Variants in PPARGC1B observed in about 807,000 individuals in gnomAD.
PPARGC1B encodes the protein PPARG coactivator 1 beta, also known as peroxisome proliferator-activated receptor gamma coactivator 1-beta.
A neutral mutation model predicts 101.6 loss-of-function variants in PPARGC1B; 34 were observed. That is an observed-to-expected ratio of 0.33 (90% CI 0.25 to 0.45). The LOEUF (loss-of-function observed/expected upper bound fraction) is 0.45. PPARGC1B is among the 20% of genes least tolerant of loss of function. PPARGC1B has a pLI of 1.00. For missense variants in PPARGC1B, 1,234 were observed against 1,317.6 expected, an observed-to-expected ratio of 0.94 and a Z score of 0.98; for synonymous variants, 548 against 539.3, an observed-to-expected ratio of 1.02 and a Z score of -0.22.
At chr5:149,736,656 A>C (rs1754722414) in intron 1 of PPARGC1B, among the ~76,000 whole-genome samples, 1 of 152,084 alleles carries the variant, frequency 6.6e-6, no homozygotes, top group Non-Finnish European at 1.5e-5. Flanking sequence ...GTCTTCTTCC[A>C]TTTGCCCTTA....
At chr5:149,846,297 T>A (rs945719746) in intron 11 of PPARGC1B, 1 of 431,092 alleles carries the variant, frequency 2.3e-6, no homozygotes, top group Non-Finnish European at 4.1e-6. Context: ...AGCAGCCACC[T>A]GGGGACAAGA....
In PPARGC1B at chr5:149,799,693, G is replaced by GTTTTTTTTTTTTTTTTTT. The variant is rs11371560; in HGVS notation, c.79-20736_79-20719dup. Reference sequence around the variant, plus strand: ...TTTGTTTGTTTGTTTGCTTGTTGTTGTTTTTTTTTTTTTTTTTTTTTGAGA... The same window carrying GTTTTTTTTTTTTTTTTTT: ...TTTGTTTGTTTGTTTGCTTGTTGTTGTTTTTTTTTTTTTTTTTTTTTTTTTTTTTTTTTTTTTTTGAGA... On this transcript the variant is annotated intron_variant, in intron 1 of 11. Transcript: ENST00000309241. Among the ~76,000 whole-genome samples the GTTTTTTTTTTTTTTTTTT allele has an allele frequency of 3.9e-4, 30 of 76,462 alleles. 4 individuals carry two copies. Among genetic ancestry groups the GTTTTTTTTTTTTTTTTTT allele is most frequent in the South Asian group, 1.1e-3 (2 of 1,760 alleles). 50.2% of individuals were successfully genotyped at this position (76,462 alleles called of 152,430 possible). A position where few individuals can be genotyped will look rare whatever the true frequency, so the allele number is the denominator to read the frequency against.
At chr5:149,757,082 G>A (rs961733402) in intron 1 of PPARGC1B, among the ~76,000 whole-genome samples, 2 of 152,120 alleles carry the variant, frequency 1.3e-5, no homozygotes, top group African/African-American at 2.4e-5. Context: ...TAAGCCCTTC[G>A]AAGACAATAA....
At chr5:149,793,968 C>A (rs562759830) in intron 1 of PPARGC1B, among the ~76,000 whole-genome samples, 1 of 152,220 alleles carries the variant, frequency 6.6e-6, no homozygotes, top group African/African-American at 2.4e-5. Flanking sequence ...AATCAGCTGC[C>A]GGTTTTTGTA....
chr5:149,816,125 A>G (rs536709600), intron 1 of PPARGC1B, among the ~76,000 whole-genome samples: 4 of 152,364 alleles, frequency 2.6e-5, no homozygotes, highest in African/African-American at 9.6e-5. Flanking sequence ...AAGCCTCTCT[A>G]AATATGGAGA....
Position 149,810,748 on chromosome 5 carries a change from G to A in PPARGC1B, c.79-9685G>A, listed in dbSNP as rs144523500. ...CTGGACAGGTCACACGGGAGATCCC[G>A]GTTTGTGTTCCGGCCCTGGGAGGAG... On this transcript the variant is annotated intron_variant, in intron 1 of 11. Transcript: ENST00000309241. 8.2e-3 allele frequency among the ~76,000 whole-genome samples: 1,245 copies of A among 152,304 alleles called. 10 individuals carry two copies. Among genetic ancestry groups the A allele is most frequent in the Middle Eastern group, 0.017 (5 of 294 alleles).
At chr5:149,776,846 C>T (rs1729405153) in intron 1 of PPARGC1B, among the ~76,000 whole-genome samples, 1 of 152,254 alleles carries the variant, frequency 6.6e-6, no homozygotes, top group South Asian at 2.1e-4. Context: ...GCCCCGTAAC[C>T]TTTTCCTGTT....
intron 1 of PPARGC1B, among the ~76,000 whole-genome samples, chr5:149,802,504 G>A (rs185135727): frequency 1.3e-5 from 2 of 151,904 alleles, no homozygotes; most frequent in African/African-American, 2.4e-5. Flanking sequence ...CCTCCCAGAT[G>A]TGCAGGCAGG....
chr5:149,828,924 G>T (rs1005172484), intron 3 of PPARGC1B, among the ~76,000 whole-genome samples: 5 of 151,700 alleles, frequency 3.3e-5, no homozygotes, highest in Non-Finnish European at 5.9e-5. Flanking sequence ...GGTGGCACGT[G>T]CCTGTAGTCC....
rs58159275 is a variant in PPARGC1B at position 149,777,922 on chromosome 5, TCACA to T, written c.79-42472_79-42469del. The stretch of plus-strand genomic sequence containing the variant: ...CCCGGCTGCTCATATCCATGTAGCA[TCACA>T]CACACACACACACACACACACACAC... On this transcript the variant is annotated intron_variant, in intron 1 of 11. Transcript: ENST00000309241. Among the ~76,000 whole-genome samples the T allele has an allele frequency of 4.6e-3, 53 of 11,602 alleles. 5 individuals are homozygous for T. Among genetic ancestry groups the T allele is most frequent in the African/African-American group, 0.016 (29 of 1,864 alleles). The allele number at this position is 11,602 out of a possible 152,430, so 7.6% of individuals were successfully genotyped here. A position where few individuals can be genotyped will look rare whatever the true frequency, so the allele number is the denominator to read the frequency against.
chr5:149,772,270 G>T, intron 1 of PPARGC1B: 2 of 1,530,676 alleles, frequency 1.3e-6, no homozygotes, highest in South Asian at 1.2e-5. Flanking sequence ...ATGTGGCGAT[G>T]GTGGGTTAGG....
Position 149,847,887 on chromosome 5 carries a change from C to T in PPARGC1B, c.*329C>T, listed in dbSNP as rs1025963894. 12 of 348,906 alleles carry T rather than the reference C, an allele frequency of 3.4e-5. No homozygotes were observed. Among genetic ancestry groups the T allele is most frequent in the Non-Finnish European group, 5.8e-5 (11 of 190,424 alleles). The allele number at this position is 348,906 out of a possible 1,614,324, so 21.6% of individuals were successfully genotyped here. A position where few individuals can be genotyped will look rare whatever the true frequency, so the allele number is the denominator to read the frequency against. On this transcript the variant is annotated 3_prime_UTR_variant, in exon 12 of 12. Coordinates refer to ENST00000309241, the MANE Select transcript of PPARGC1B (RefSeq NM_133263.4). ...TTCCCGACTGACTTCCTCTCGTAGACTTGCAGCTGTGTTCACCATAACATT... is the reference window on the plus strand; with the variant it reads ...TTCCCGACTGACTTCCTCTCGTAGATTTGCAGCTGTGTTCACCATAACATT...
At position 149,730,544 on chromosome 5, in the gene PPARGC1B, A is replaced by C; in HGVS notation, c.78+124A>C. 1.4e-6 allele frequency: 1 copy of C among 690,588 alleles called. No individual in the cohort carries two copies. The highest frequency in any genetic ancestry group is 2.3e-6 in the Non-Finnish European group (1 of 441,286). 42.8% of individuals were successfully genotyped at this position (690,588 alleles called of 1,614,324 possible). On this transcript the variant is annotated intron_variant, in intron 1 of 11. Transcript: ENST00000309241. This position sits in a 1 kb window ranked among gnomAD's most constrained non-coding sequence, Gnocchi z 4.0. ...GGGGTAACTGGGGGTTCCAGGCTGCAGAGCCCCCCTTCCAGGCGCCCTGCG... is the reference window on the plus strand; with the variant it reads ...GGGGTAACTGGGGGTTCCAGGCTGCCGAGCCCCCCTTCCAGGCGCCCTGCG...
chr5:149,733,483 A>C (rs1341953752), intron 1 of PPARGC1B, among the ~76,000 whole-genome samples: 1 of 152,212 alleles, frequency 6.6e-6, no homozygotes, highest in African/African-American at 2.4e-5. Flanking sequence ...TGTGTGATAC[A>C]ACCAAGCACT....
chr5:149,741,444 G>A (rs1018438613), intron 1 of PPARGC1B, among the ~76,000 whole-genome samples: 14 of 152,150 alleles, frequency 9.2e-5, no homozygotes, highest in African/African-American at 2.4e-4. Flanking sequence ...GCAGTCCCAG[G>A]CCACAGCAGC....
At chr5:149,793,465 A>G (rs1359202987) in intron 1 of PPARGC1B, among the ~76,000 whole-genome samples, 4 of 152,206 alleles carry the variant, frequency 2.6e-5, no homozygotes, top group Non-Finnish European at 5.9e-5. Context: ...CATGCAGCAA[A>G]TGTTTGTGGG....
chr5:149,840,207 CT>C, intron 9 of PPARGC1B, 91 bp downstream of exon 9: 1 of 1,225,182 alleles, frequency 8.2e-7, no homozygotes, highest in Non-Finnish European at 1.1e-6. Flanking sequence ...TTGAGGCTGG[CT>C]GGTGAGCCCC....
chr5:149,776,369 TTTTA>T (rs1228582162), intron 1 of PPARGC1B, among the ~76,000 whole-genome samples: 3 of 152,194 alleles, frequency 2.0e-5, no homozygotes, highest in African/African-American at 4.8e-5. Context: ...CAAAGGTTTT[TTTTA>T]TTTATTTATT....
chr5:149,773,723 C>A (rs1756240782), intron 1 of PPARGC1B, among the ~76,000 whole-genome samples: 1 of 152,138 alleles, frequency 6.6e-6, no homozygotes, highest in Admixed American at 6.5e-5. Flanking sequence ...ATGGGGCCGG[C>A]AGGGTGGCCA....
Sources: gnomAD v4.1 joint callset for allele counts (sites outside exome capture counted in the v4.1 genomes callset) on GRCh38, gnomAD v4.1.1 for gene constraint, Gnocchi (gnomAD v3.1) non-coding constraint, MANE v1.5 for transcripts, NCBI Gene and HGNC (gene_info 2026-07-23, HGNC 2026-07-21) for gene names.